RIN2: variants seen among roughly 807,000 people sequenced by gnomAD.
The protein encoded by RIN2 is RAB5 interacting protein 2.
Under a neutral mutation model 78.0 loss-of-function variants are expected in RIN2, and 36 were observed. The ratio of observed to expected loss-of-function variants is 0.46; its 90% CI spans 0.35 to 0.61. The LOEUF is 0.61. RIN2 is among the 20% of genes least tolerant of loss of function. The pLI is 0.00. For missense variants in RIN2, 1,087 were observed against 1,159.7 expected (o/e 0.94, Z 0.91); for synonymous variants, 466 against 466.8 (o/e 1.00, Z 0.02).
intron 3 of RIN2, among the ~76,000 whole-genome samples, chr20:19,899,466 A>C (rs2038884941): frequency 6.6e-6 from 1 of 152,252 alleles, no homozygotes; most frequent in African/African-American, 2.4e-5. Flanking sequence ...CTGTGTAACT[A>C]ATTACCCAAA....
intron 4 of RIN2, among the ~76,000 whole-genome samples, chr20:19,943,641 C>T (rs2040970443): frequency 6.6e-6 from 1 of 152,122 alleles, no homozygotes; most frequent in Non-Finnish European, 1.5e-5. Flanking sequence ...CTCCCTAAGT[C>T]GGAAAACTGG....
At chr20:19,961,556 C>T (rs3748486) in intron 6 of RIN2, among the ~76,000 whole-genome samples, 33,219 of 151,910 alleles carry the variant, frequency 0.22, 4,445 homozygotes, top group East Asian at 0.53. Context: ...CAAGACAGAG[C>T]CTGGGATTCC....
chr20:19,818,163 A>G (rs1190617844), intron 2 of RIN2, among the ~76,000 whole-genome samples: 2 of 151,822 alleles, frequency 1.3e-5, no homozygotes, highest in Admixed American at 1.3e-4. Flanking sequence ...CATATTTAAC[A>G]TAGAAAATGT....
intron 2 of RIN2, among the ~76,000 whole-genome samples, chr20:19,821,015 C>A (rs2035910148): frequency 6.6e-6 from 1 of 152,076 alleles, no homozygotes; most frequent in Non-Finnish European, 1.5e-5. Context: ...CTGGTGTGAA[C>A]TGGCTGCAGA....
chr20:19,917,919 A>G (rs1369825148), intron 3 of RIN2, among the ~76,000 whole-genome samples: 1 of 152,190 alleles, frequency 6.6e-6, no homozygotes, highest in East Asian at 1.9e-4. Flanking sequence ...TTTTACATGT[A>G]TCTGATTATT....
At chr20:19,966,707 C>A (rs546733290) in intron 7 of RIN2, among the ~76,000 whole-genome samples, 51 of 152,240 alleles carry the variant, frequency 3.3e-4, no homozygotes, top group African/African-American at 1.2e-3. Flanking sequence ...GGAGGCACTT[C>A]CAGAGGAGGA....
At chr20:19,857,145 A>C (rs988594133) in intron 2 of RIN2, among the ~76,000 whole-genome samples, 4 of 152,104 alleles carry the variant, frequency 2.6e-5, no homozygotes, top group African/African-American at 9.7e-5. Flanking sequence ...CCTAAACAAG[A>C]ATACCCATTA....
At chr20:19,906,321 C>T (rs1381995406) in intron 3 of RIN2, among the ~76,000 whole-genome samples, 1 of 152,124 alleles carries the variant, frequency 6.6e-6, no homozygotes, top group Non-Finnish European at 1.5e-5. Flanking sequence ...TGGTGGCATG[C>T]ACCTGTAGCC....
At chr20:19,788,432 C>CAAAAAAAAAAAAAAAAAAAAAAAAAAA (rs1224663738) in intron 1 of RIN2, among the ~76,000 whole-genome samples, 3 of 53,736 alleles carry the variant, frequency 5.6e-5, no homozygotes, top group African/African-American at 2.2e-4. Context: ...CTGTCTCTGC[C>CAAAAAAAAAAAAAAAAAAAAAAAAAAA]AAAAAAAAAA....
At position 19,795,503 on chromosome 20, in the gene RIN2, T is replaced by C. The variant is rs375480816; in HGVS notation, c.-162-4119T>C. On this transcript the variant is annotated intron_variant, in intron 1 of 12. Transcript: ENST00000255006. The stretch of plus-strand genomic sequence containing the variant: ...ACTTGTGGATGCTACTGAAGCAATA[T>C]TAATGAAAATTGGATTTTTTATTGC... Among the ~76,000 whole-genome samples, 6 of 152,294 alleles carry C rather than the reference T, an allele frequency of 3.9e-5. No individual in the cohort carries two copies. The East Asian group carries it at 1.2e-3, about 29-fold the overall frequency.
At chr20:19,832,267 G>T (rs2036271985) in intron 2 of RIN2, among the ~76,000 whole-genome samples, 2 of 147,890 alleles carry the variant, frequency 1.4e-5, no homozygotes, top group Non-Finnish European at 3.0e-5. Flanking sequence ...ACTCCCAGAT[G>T]GCCTTGCCAA....
chr20:19,988,924 T>C (rs6046522), intron 9 of RIN2, among the ~76,000 whole-genome samples: 65,762 of 151,732 alleles, frequency 0.43, 18,069 homozygotes, highest in African/African-American at 0.75. Context: ...CACACACGCG[T>C]GCACACACAC....
At chr20:19,977,554 C>T (rs958571259) in intron 9 of RIN2, among the ~76,000 whole-genome samples, 2 of 152,178 alleles carry the variant, frequency 1.3e-5, no homozygotes, top group African/African-American at 2.4e-5. Flanking sequence ...GCATCGTCAT[C>T]CCTTAAGGAT....
chr20:19,779,439 C>G (rs1250492864), intron 1 of RIN2, among the ~76,000 whole-genome samples: 1 of 152,218 alleles, frequency 6.6e-6, no homozygotes, highest in African/African-American at 2.4e-5. Context: ...CTCATTCTTA[C>G]AGCACAGTCC....
At chr20:19,953,013 G>A (rs1393679613) in intron 4 of RIN2, among the ~76,000 whole-genome samples, 1 of 152,198 alleles carries the variant, frequency 6.6e-6, no homozygotes, top group Non-Finnish European at 1.5e-5. Context: ...GAAGCTGTGA[G>A]TCTGAAACCA....
chr20:19,840,506 C>T (rs551005543), intron 2 of RIN2, among the ~76,000 whole-genome samples: 3 of 152,314 alleles, frequency 2.0e-5, no homozygotes, highest in Admixed American at 1.3e-4. Context: ...CATAGAGAGC[C>T]CTTCCCCACA....
Position 19,842,346 on chromosome 20 carries a change from C to G in RIN2, c.-37+42599C>G, listed in dbSNP as rs1277306913. On this transcript the variant is annotated intron_variant, in intron 2 of 12. Transcript: ENST00000255006. ...AAAGCAATTCTCCTGCCTCAGCACC[C>G]CCTAGTAGCTGGGATTACAGGCACT... Among the ~76,000 whole-genome samples the G allele has an allele frequency of 2.1e-5, 3 of 143,794 alleles. No individual in the cohort carries two copies. The East Asian group carries it at 6.2e-4, about 30-fold the overall frequency. 94.3% of individuals were successfully genotyped at this position (143,794 alleles called of 152,430 possible).
intron 3 of RIN2, among the ~76,000 whole-genome samples, chr20:19,890,155 A>G (rs1397042977): frequency 6.6e-6 from 1 of 152,206 alleles, no homozygotes; most frequent in Non-Finnish European, 1.5e-5. Context: ...AAACATCCCC[A>G]AAGGCTTCTT....
intron 2 of RIN2, among the ~76,000 whole-genome samples, chr20:19,849,601 T>A (rs1050830749): frequency 1.3e-5 from 2 of 152,222 alleles, no homozygotes; most frequent in African/African-American, 4.8e-5. Context: ...TGAGGCATGA[T>A]GTCTCGGAAG....
Sources: gnomAD v4.1 joint callset for allele counts (sites outside exome capture counted in the v4.1 genomes callset) on GRCh38, gnomAD v4.1.1 for gene constraint, MANE v1.5 for transcripts, NCBI Gene and HGNC (gene_info 2026-07-23, HGNC 2026-07-21) for gene names.